ABCE1: variants seen among roughly 807,000 people sequenced by gnomAD.
ABCE1 encodes the protein ATP-binding cassette sub-family E member 1.
In ABCE1, 22 loss-of-function variants were observed where a neutral mutation model predicts 83.4. The observed-to-expected ratio is 0.26, with a 90% CI of 0.19 to 0.38. ABCE1 has a LOEUF of 0.38. Among genes scored for constraint, ABCE1 ranks in the 10% least tolerant of loss-of-function variants. The pLI is 1.00. For missense variants in ABCE1, 330 were observed against 721.9 expected, an observed-to-expected ratio of 0.46 and a Z score of 6.22; for synonymous variants, 204 against 233.7, an observed-to-expected ratio of 0.87 and a Z score of 1.16.
intron 1 of ABCE1, among the ~76,000 whole-genome samples, chr4:145,103,195 T>C (rs1043594622): frequency 6.6e-6 from 1 of 152,114 alleles, no homozygotes; most frequent in Non-Finnish European, 1.5e-5. Flanking sequence ...CCTAATGATA[T>C]TGATGGGTGT....
At chr4:145,101,072 A>AT (rs1749139735) in intron 1 of ABCE1, among the ~76,000 whole-genome samples, 3 of 151,096 alleles carry the variant, frequency 2.0e-5, no homozygotes, top group African/African-American at 7.4e-5. Flanking sequence ...TATATAAAAA[A>AT]AATATATATA....
At chr4:145,118,286 T>C (rs1214284200) in intron 10 of ABCE1, among the ~76,000 whole-genome samples, 1 of 150,770 alleles carries the variant, frequency 6.6e-6, no homozygotes, top group East Asian at 1.9e-4. Flanking sequence ...AGGAATCTTT[T>C]TTATACCTAA....
At chr4:145,119,844 A>G in intron 10 of ABCE1, 88 bp from the exon 11 acceptor site, 1 of 876,644 alleles carries the variant, frequency 1.1e-6, no homozygotes, top group Non-Finnish European at 1.8e-6. Context: ...ACAGAAATTT[A>G]AAGTATATAG....
intron 16 of ABCE1, chr4:145,123,923 A>C (rs547053141): frequency 3.8e-4 from 67 of 176,068 alleles, no homozygotes; most frequent in African/African-American, 1.6e-3. Context: ...TATTGCTTTC[A>C]TACATGATAG....
intron 9 of ABCE1, among the ~76,000 whole-genome samples, chr4:145,114,885 A>G (rs4835202): frequency 0.99 from 150,254 of 152,086 alleles, 74,247 homozygotes; most frequent in East Asian, 1. Context: ...AAGAGTCATA[A>G]AAAGTATATC....
intron 3 of ABCE1, among the ~76,000 whole-genome samples, chr4:145,106,721 T>G (rs1309938932): frequency 6.6e-6 from 1 of 152,070 alleles, no homozygotes; most frequent in Non-Finnish European, 1.5e-5. Context: ...CTTGTAGAAT[T>G]GAGTTTAAAT....
Position 145,117,284 on chromosome 4 carries a change from G to T in ABCE1, c.801-9G>T, listed in dbSNP as rs779901919. The T allele has an allele frequency of 6.3e-6, 10 of 1,591,402 alleles. No individual in the cohort carries two copies. Among genetic ancestry groups the T allele is most frequent in the Non-Finnish European group, 7.7e-6 (9 of 1,169,794 alleles). ...AAGAGTTTTAACTAAAATCTGGTTT[G>T]ATTTTCAGATATATCATTGTGGTGG... On this transcript the variant is annotated splice_polypyrimidine_tract_variant and intron_variant, in intron 9 of 17. Transcript: ENST00000296577.
chr4:145,112,400 C>A, intron 9 of ABCE1, 72 bp downstream of exon 9: 2 of 1,010,568 alleles, frequency 2.0e-6, no homozygotes, highest in Non-Finnish European at 2.9e-6. Context: ...GGATTAAACA[C>A]TGGGACTGTC....
intron 1 of ABCE1, among the ~76,000 whole-genome samples, chr4:145,099,908 T>G (rs1445501495): frequency 6.6e-6 from 1 of 151,858 alleles, no homozygotes; most frequent in Admixed American, 6.6e-5. Flanking sequence ...TGAACACTTT[T>G]GTCTTCGAAT....
At chr4:145,117,489 T>C in intron 10 of ABCE1, 75 bp downstream of exon 10, 1 of 1,418,464 alleles carries the variant, frequency 7.0e-7, no homozygotes, top group Non-Finnish European at 9.6e-7. Context: ...TTATTGATAT[T>C]AAGTAGTTTT....
intron 3 of ABCE1, 135 bp downstream of exon 3, chr4:145,105,825 G>C (rs1295737810): frequency 4.3e-6 from 2 of 469,614 alleles, no homozygotes; most frequent in African/African-American, 4.1e-5. Context: ...ATTTAGGAAA[G>C]TGGTATTCTA....
At chr4:145,123,175 T>C (rs1749789142) in intron 14 of ABCE1, 40 bp from the exon 15 acceptor site, 9 of 1,587,128 alleles carry the variant, frequency 5.7e-6, no homozygotes, top group Non-Finnish European at 6.8e-6. Flanking sequence ...ATTTTGAATT[T>C]TGGATGCCTT....
intron 11 of ABCE1, among the ~76,000 whole-genome samples, chr4:145,120,753 C>G (rs1190385705): frequency 6.6e-6 from 1 of 151,964 alleles, no homozygotes; most frequent in Non-Finnish European, 1.5e-5. Flanking sequence ...ATGTATCAGT[C>G]TTTAGATAAT....
chr4:145,105,306 A>G (rs1380252019), intron 2 of ABCE1, among the ~76,000 whole-genome samples: 1 of 152,072 alleles, frequency 6.6e-6, no homozygotes, highest in African/African-American at 2.4e-5. Flanking sequence ...AAAATATTTC[A>G]GGATATGTCA....
At chr4:145,112,212 T>G in intron 8 of ABCE1, 27 bp from the exon 9 acceptor site, 2 of 1,454,852 alleles carry the variant, frequency 1.4e-6, no homozygotes, top group South Asian at 1.3e-5. Flanking sequence ...CAAACTTATA[T>G]TTGCTTTTTT....
At chr4:145,126,388 G>C (rs946819413) in intron 17 of ABCE1, among the ~76,000 whole-genome samples, 1 of 151,940 alleles carries the variant, frequency 6.6e-6, no homozygotes, top group Non-Finnish European at 1.5e-5. Context: ...TCTGCCTCCC[G>C]AGTTCAAGCA....
chr4:145,121,657 A>G, intron 13 of ABCE1: 2 of 308,650 alleles, frequency 6.5e-6, no homozygotes, highest in Non-Finnish European at 6.1e-6. Flanking sequence ...GCAGATCACG[A>G]GGTCAGGAGA....
At chr4:145,104,860 G>A (rs1245041457) in intron 2 of ABCE1, among the ~76,000 whole-genome samples, 1 of 151,338 alleles carries the variant, frequency 6.6e-6, no homozygotes, top group Non-Finnish European at 1.5e-5. Context: ...ATCAATGGGG[G>A]AAGGGTTACA....
At chr4:145,118,265 T>G (rs929299698) in intron 10 of ABCE1, among the ~76,000 whole-genome samples, 2 of 150,672 alleles carry the variant, frequency 1.3e-5, no homozygotes, top group Non-Finnish European at 3.0e-5. Flanking sequence ...TTTTTTTTTT[T>G]TTAATCTTGG....
Sources: allele counts gnomAD v4.1 joint callset (sites outside exome capture counted in the v4.1 genomes callset), GRCh38; gene constraint gnomAD v4.1.1; transcripts MANE v1.5; gene names NCBI Gene and HGNC (gene_info 2026-07-23, HGNC 2026-07-21).